The following ANO9 variants were observed in gnomAD, a reference collection of about 807,000 sequenced individuals.
The protein encoded by ANO9 is anoctamin-9.
A neutral mutation model predicts 100.5 loss-of-function variants in ANO9; 80 were observed. The observed-to-expected ratio is 0.80, with a 90% confidence interval of 0.66 to 0.96. The LOEUF is 0.96. ANO9 is among the 40% of genes least tolerant of loss of function. The pLI, the probability that ANO9 is intolerant of heterozygous loss-of-function variation, is 0.00. For missense variants in ANO9, 1,064 were observed against 1,072.7 expected, an observed-to-expected ratio of 0.99 and a Z score of 0.11; for synonymous variants, 473 against 435.6, an observed-to-expected ratio of 1.09 and a Z score of -1.07.
rs1484796272 is a variant in ANO9 at position 437,020 on chromosome 11, A to ATGAGCAGGGGG, written c.7-2923_7-2922insCCCCCTGCTCA. Among the ~76,000 whole-genome samples, 6 of 11,386 alleles carry ATGAGCAGGGGG rather than the reference A, an allele frequency of 5.3e-4. 1 individual carries two copies. Among genetic ancestry groups the ATGAGCAGGGGG allele is most frequent in the African/African-American group, 2.1e-3 (4 of 1,942 alleles). 7.5% of individuals were successfully genotyped at this position (11,386 alleles called of 152,430 possible). A position where few individuals can be genotyped will look rare whatever the true frequency, so the allele number is the denominator to read the frequency against. ...GAGGTGAGCGGGGAGTGAGCTGGAG[A>ATGAGCAGGGGG]TGAGCGGGGGGTGAGCGGGGGGTGC... On this transcript the variant is annotated intron_variant, in intron 1 of 22. Transcript: ENST00000332826.
Position 431,714 on chromosome 11 carries a change from C to A in ANO9, c.519G>T (p.Glu173Asp). The A allele has an allele frequency of 1.2e-6, 2 of 1,612,566 alleles. No individual in the cohort carries two copies. Among genetic ancestry groups the A allele is most frequent in the East Asian group, 2.2e-5 (1 of 44,878 alleles). The change falls in exon 7 of 23, where the codon GAG becomes GAT. Residue 173 changes from glutamate (E) to aspartate (D), a missense_variant. By Grantham distance (45) the Glu-to-Asp change is conservative. Transcript: ENST00000332826. ...GTTACCTGATTTCATCAACTGGCTG[C>A]TCCCGGAACATGTGTCTCCACCGCG... ...TWARWRHMFREQPVDEIRNYF... is the reference protein window; with the variant it reads ...TWARWRHMFRDQPVDEIRNYF...
chr11:423,071 G>T (rs1331812493), intron 15 of ANO9, among the ~76,000 whole-genome samples: 2 of 152,020 alleles, frequency 1.3e-5, no homozygotes, highest in Non-Finnish European at 2.9e-5. Context: ...CTCATGATCC[G>T]CCCACCTCGG....
In ANO9 at chr11:418,544, C is replaced by T. The variant is rs768715555; in HGVS notation, c.2176G>A (p.Asp726Asn). The change falls in exon 23 of 23, where the codon GAC (aspartate) becomes AAC (asparagine). Residue 726 changes from aspartate to asparagine, a missense_variant. Transcript: ENST00000332826. ...IKLIAAWFVP[D>N]IPQSVKNKVL... Reference sequence around the variant, plus strand: ...TTGTTCTTCACCGACTGAGGGATGTCGGGCACGAACCAGGCGGCGATGAGC... The same window carrying T: ...TTGTTCTTCACCGACTGAGGGATGTTGGGCACGAACCAGGCGGCGATGAGC... 17 of 1,612,988 alleles carry T rather than the reference C, an allele frequency of 1.1e-5. No homozygotes were observed. The highest frequency in any genetic ancestry group is 8.0e-5 in the African/African-American group (6 of 74,932).
chr11:420,734 G>T lies in ANO9; in HGVS notation c.1617C>A (p.Asp539Glu), dbSNP rs929918233. The change falls in exon 18 of 23, where the codon GAC (aspartate) becomes GAA (glutamate). Residue 539 changes from aspartate to glutamate, a missense_variant. Asp to Glu is a conservative substitution (Grantham distance 45). Transcript: ENST00000332826. The part of the protein sequence containing the change: ...LNPVNTFSLF[D>E]EFMEMMIQYG... ...CCCACGCACTCATCTCCATGAACTC[G>T]TCGAACAGGCTGAAGGTGTTGACCG... 3.1e-6 allele frequency: 5 copies of T among 1,608,538 alleles called. No homozygotes were observed. The highest frequency in any genetic ancestry group is 3.4e-6 in the Non-Finnish European group (4 of 1,178,584).
Position 429,594 on chromosome 11 carries a change from G to C in ANO9, c.891C>G (p.Asp297Glu), listed in dbSNP as rs1422701317. The change falls in exon 11 of 23, where the codon GAC (aspartate) becomes GAG (glutamate). Residue 297 changes from aspartate (D) to glutamate (E), a missense_variant. By Grantham distance (45) the Asp-to-Glu change is conservative. Transcript: ENST00000332826. The stretch of plus-strand genomic sequence containing the variant: ...CCTGTTCCTCGTCCCACACGTACAG[G>C]TCCCAGTGCAGGACCACGCGGGCGC... Reference protein sequence around the residue: ...RQRARVVLHWDLYVWDEEQEE... With the variant: ...RQRARVVLHWELYVWDEEQEE... The C allele has an allele frequency of 6.2e-6, 10 of 1,612,486 alleles. No homozygotes were observed. In the African/African-American group the frequency reaches 1.2e-4, roughly 19 times the overall value.
chr11:418,220 C>G lies in ANO9; in HGVS notation c.*151G>C. ...CGGAGCAGGCGGAATAGGGTGGCAG[C>G]TCACAGCCCTGAACATACAGGGGAT... is the stretch of plus-strand genomic sequence containing the variant. On this transcript the variant is annotated 3_prime_UTR_variant, in exon 23 of 23. Coordinates refer to ENST00000332826, the MANE Select transcript of ANO9 (RefSeq NM_001012302.3). 1 of 783,774 alleles carries G rather than the reference C, an allele frequency of 1.3e-6. No individual in the cohort carries two copies. The highest frequency in any genetic ancestry group is 3.8e-4 in the Middle Eastern group (1 of 2,636). 48.6% of individuals were successfully genotyped at this position (783,774 alleles called of 1,614,324 possible). A position where few individuals can be genotyped will look rare whatever the true frequency, so the allele number is the denominator to read the frequency against.
At position 429,671 on chromosome 11, in the gene ANO9, G is replaced by A. The variant is rs1009921151; in HGVS notation, c.833-19C>T. 6.2e-7 allele frequency: 1 copy of A among 1,612,576 alleles called. No homozygotes were observed. The highest frequency in any genetic ancestry group is 1.7e-5 in the Admixed American group (1 of 60,014). On this transcript the variant is annotated intron_variant, in intron 10 of 22. Coordinates refer to ENST00000332826, the MANE Select transcript of ANO9 (RefSeq NM_001012302.3). ...ACCGTGGCTGCGGCGGGGGCAAGGA[G>A]GGGCATCACTGCACTACGCCAGGTG...
At chr11:428,321 C>T (rs1848648288) in intron 14 of ANO9, 37 bp downstream of exon 14, 2 of 1,611,590 alleles carry the variant, frequency 1.2e-6, no homozygotes, top group Non-Finnish European at 1.7e-6. Context: ...AGTCCTCCCG[C>T]CGGGTCCCCC....
intron 4 of ANO9, 190 bp downstream of exon 4, chr11:433,124 C>T: frequency 1.4e-6 from 1 of 730,178 alleles, no homozygotes; most frequent in Non-Finnish European, 2.1e-6. Context: ...CACCGTGATC[C>T]TTTAATGGGA....
intron 14 of ANO9, 43 bp from the exon 15 acceptor site, chr11:428,242 G>A (rs753862750): frequency 1.2e-6 from 2 of 1,609,076 alleles, no homozygotes; most frequent in South Asian, 2.2e-5. Context: ...GCTCATAGGA[G>A]AGGCCCTGGG....
At position 421,825 on chromosome 11, in the gene ANO9, G is replaced by C. The variant is rs989512068; in HGVS notation, c.1335-627C>G. Among the ~76,000 whole-genome samples, 3 of 152,228 alleles carry C rather than the reference G, an allele frequency of 2.0e-5. No individual in the cohort carries two copies. The highest frequency in any genetic ancestry group is 7.2e-5 in the African/African-American group (3 of 41,452). On this transcript the variant is annotated intron_variant, in intron 15 of 22. Transcript: ENST00000332826. This position sits in a 1 kb window ranked among gnomAD's most constrained non-coding sequence, Gnocchi z 6.8. Reference sequence around the variant, plus strand: ...TGAACTATCTTAAACCAAAAGTCAGGCTCATGGTCAGTGGTGAAATCCCAA... The same window carrying C: ...TGAACTATCTTAAACCAAAAGTCAGCCTCATGGTCAGTGGTGAAATCCCAA...
rs1564928920 is a variant in ANO9 at position 433,834 on chromosome 11, CT to C, written c.184del (p.Arg62GlufsTer8). The C allele has an allele frequency of 1.9e-6, 3 of 1,562,316 alleles. No homozygotes were observed. In the South Asian group the frequency reaches 3.5e-5, roughly 18 times the overall value. Reference protein sequence around the residue: ...RQQQFLEELRRKGFHIKVIRD... With the variant: ...RQQQFLEELRXKGFHIKVIRD... The stretch of plus-strand genomic sequence containing the variant: ...GCCCACCTTAATGTGGAAGCCCTTT[CT>C]CCTGAGCTCCTCCAGGAACTGTTGC... On this transcript the variant is annotated frameshift_variant, in exon 3 of 23. Transcript: ENST00000332826. LOFTEE classifies it high-confidence loss of function.
At chr11:437,713 G>T (rs749552702) in intron 1 of ANO9, among the ~76,000 whole-genome samples, 6 of 152,228 alleles carry the variant, frequency 3.9e-5, no homozygotes, top group Non-Finnish European at 8.8e-5. Context: ...TGGTGGTCTG[G>T]GGGACGTGGG....
At position 432,689 on chromosome 11, in the gene ANO9, GCT is replaced by G. The variant is rs2133703846; in HGVS notation, c.350+623_350+624del. The G allele has an allele frequency of 6.4e-6, 1 of 155,668 alleles. No homozygotes were observed. The highest frequency in any genetic ancestry group is 2.0e-4 in the South Asian group (1 of 5,034). 9.6% of individuals were successfully genotyped at this position (155,668 alleles called of 1,614,324 possible). A position where few individuals can be genotyped will look rare whatever the true frequency, so the allele number is the denominator to read the frequency against. On this transcript the variant is annotated intron_variant, in intron 4 of 22. Coordinates refer to ENST00000332826, the MANE Select transcript of ANO9 (RefSeq NM_001012302.3). This position sits in a 1 kb window ranked among gnomAD's most constrained non-coding sequence, Gnocchi z 4.8. ...GCCTCGCGACTCCCCAAGACCCATA[GCT>G]CTCTTCACGGGTGCCCTCCACTGCC...
rs1169353819 is a variant in ANO9 at position 420,952 on chromosome 11, G to A, written c.1483C>T (p.Leu495=). 6.2e-7 allele frequency: 1 copy of A among 1,604,502 alleles called. No individual in the cohort carries two copies. The highest frequency in any genetic ancestry group is 8.5e-7 in the Non-Finnish European group (1 of 1,174,598). The stretch of plus-strand genomic sequence containing the variant: ...GCGGGGGTCGGCACTCACGGGACCA[G>A]GTACTCGACGCAGTTGCTGAGCGTC... The part of the protein sequence containing the change: ...KQTLSNCVEY[L]VPWVTHKCRS... The change falls in exon 17 of 23, where the codon CTG becomes TTG. Residue 495 remains leucine, a synonymous_variant. Transcript: ENST00000332826.
chr11:433,436 G>T lies in ANO9; in HGVS notation c.228C>A (p.Val76=). 1 of 1,613,302 alleles carries T rather than the reference G, an allele frequency of 6.2e-7. No homozygotes were observed. The highest frequency in any genetic ancestry group is 8.5e-7 in the Non-Finnish European group (1 of 1,179,882). Residue 76 remains valine (V), a synonymous_variant, in exon 4 of 23, where the codon GTC becomes GTA. Coordinates refer to ENST00000332826, the MANE Select transcript of ANO9 (RefSeq NM_001012302.3). ...TGTTGTCAGCACGGATCCCAAAGAA[G>T]ACCTGTTTCTGGTCCCGGATCACCT... is the stretch of plus-strand genomic sequence containing the variant. ...HIKVIRDQKQ[V]FFGIRADNSV...
chr11:426,143 G>A (rs1848508411), intron 15 of ANO9, among the ~76,000 whole-genome samples: 1 of 152,236 alleles, frequency 6.6e-6, no homozygotes, highest in Admixed American at 6.5e-5. Flanking sequence ...CACTGACACA[G>A]CCTTTCTGGA....
At chr11:429,369 G>A (rs1022767642) in intron 11 of ANO9, 78 of 1,301,826 alleles carry the variant, frequency 6.0e-5, no homozygotes, top group Non-Finnish European at 7.8e-5. Flanking sequence ...ACAGACACGG[G>A]ACACTCACCC....
At chr11:434,817 G>C (rs960725072) in intron 1 of ANO9, among the ~76,000 whole-genome samples, 4 of 152,170 alleles carry the variant, frequency 2.6e-5, no homozygotes, top group African/African-American at 7.2e-5. Context: ...ACCTTCCGGA[G>C]GAGGGGAATT....
Sources: allele counts gnomAD v4.1 joint callset (sites outside exome capture counted in the v4.1 genomes callset), GRCh38; gene constraint gnomAD v4.1.1; non-coding constraint Gnocchi (gnomAD v3.1); transcripts MANE v1.5; gene names NCBI Gene and HGNC (gene_info 2026-07-23, HGNC 2026-07-21).